Variants in SUMF1 observed in about 807,000 individuals in gnomAD.
The protein encoded by SUMF1 is sulfatase modifying factor 1.
SUMF1 carries 48 observed loss-of-function variants against 47.6 expected under a neutral mutation model. That is an observed-to-expected ratio of 1.01 (90% CI 0.80 to 1.28). The LOEUF (loss-of-function observed/expected upper bound fraction) is 1.28, where lower values mean the gene tolerates loss of function less well. Among genes scored for constraint, SUMF1 ranks in the 50% most tolerant of loss-of-function variants. The pLI is 0.00. For synonymous variants in SUMF1, 230 were observed against 192.1 expected, an observed-to-expected ratio of 1.20 and a Z score of -1.63; for missense variants, 571 against 485.4, an observed-to-expected ratio of 1.18 and a Z score of -1.66.
chr3:4,252,448 A>T (rs2125011693), intron 8 of SUMF1, among the ~76,000 whole-genome samples: 1 of 152,276 alleles, frequency 6.6e-6, no homozygotes, highest in African/African-American at 2.4e-5. Context: ...ATAAAAATAA[A>T]ATAATCTCTA....
rs777887933 is a variant in SUMF1, at chr3:4,418,114, G to C, written c.621C>G (p.Leu207=). The C allele has an allele frequency of 1.2e-6, 2 of 1,613,982 alleles. No individual in the cohort carries two copies. Among genetic ancestry groups the C allele is most frequent in the South Asian group, 2.2e-5 (2 of 91,078 alleles). The change falls in exon 5 of 9, where the codon CTC becomes CTG. Residue 207 remains leucine, a synonymous_variant. Transcript: ENST00000272902. ...CAACCGCATCATTCCAGGACACATG[G>C]AGAACTGGATGATCCGGCCTGGGGA... is the stretch of plus-strand genomic sequence containing the variant. ...TILHRPDHPV[L]HVSWNDAVAY...
chr3:4,263,499 G>C (rs529642448), intron 8 of SUMF1, among the ~76,000 whole-genome samples: 1 of 152,218 alleles, frequency 6.6e-6, no homozygotes, highest in East Asian at 1.9e-4. Context: ...GCCCCAATCT[G>C]TCTCTCTAGT....
intron 8 of SUMF1, among the ~76,000 whole-genome samples, chr3:4,116,342 C>G (rs1693424049): frequency 6.6e-6 from 1 of 152,106 alleles, no homozygotes; most frequent in East Asian, 1.9e-4. Context: ...TCCCCGGGTT[C>G]TCCTCTCTTT....
At chr3:4,368,055 C>T (rs1700038556) in intron 8 of SUMF1, among the ~76,000 whole-genome samples, 1 of 151,960 alleles carries the variant, frequency 6.6e-6, no homozygotes, top group South Asian at 2.1e-4. Context: ...AGGCAACCTA[C>T]AAAATGGGAG....
intron 8 of SUMF1, among the ~76,000 whole-genome samples, chr3:4,151,554 T>TACACACACACACAC (rs781615061): frequency 4.1e-5 from 4 of 98,254 alleles, no homozygotes; most frequent in African/African-American, 1.7e-4. Context: ...TGTGTGTGTA[T>TACACACACACACAC]ATACACACAC....
intron 8 of SUMF1, among the ~76,000 whole-genome samples, chr3:4,166,278 C>G (rs996440776): frequency 1.3e-5 from 2 of 152,098 alleles, no homozygotes; most frequent in Non-Finnish European, 2.9e-5. Flanking sequence ...AGCAGAGGAC[C>G]ATACCATGAG....
intron 3 of SUMF1, among the ~76,000 whole-genome samples, chr3:4,440,906 C>T (rs1057149836): frequency 3.2e-4 from 48 of 152,254 alleles, no homozygotes; most frequent in African/African-American, 1.0e-3. Context: ...CAAAGTTTTA[C>T]GAGTCATATT....
intron 8 of SUMF1, among the ~76,000 whole-genome samples, chr3:4,115,244 C>A (rs1263706005): frequency 6.6e-6 from 1 of 152,032 alleles, no homozygotes; most frequent in Non-Finnish European, 1.5e-5. Context: ...GGGAAGATCA[C>A]CTTCCCACTC....
chr3:4,061,467 T>A (rs958598135), intron 9 of SUMF1, among the ~76,000 whole-genome samples: 1 of 152,154 alleles, frequency 6.6e-6, no homozygotes, highest in Non-Finnish European at 1.5e-5. Flanking sequence ...TTTCTGCATG[T>A]AGTTACATTT....
At chr3:4,346,720 C>A (rs1699381063) in intron 8 of SUMF1, among the ~76,000 whole-genome samples, 2 of 150,960 alleles carry the variant, frequency 1.3e-5, no homozygotes, top group South Asian at 4.2e-4. Context: ...AAAAAACCCT[C>A]AAAAAAAATC....
At chr3:4,181,619 CAT>C (rs1444924411) in intron 8 of SUMF1, among the ~76,000 whole-genome samples, 1 of 152,028 alleles carries the variant, frequency 6.6e-6, no homozygotes, top group East Asian at 1.9e-4. Context: ...AAATGAGTTC[CAT>C]GTTTCCTTCC....
chr3:4,381,084 C>A (rs1343915783), intron 7 of SUMF1, among the ~76,000 whole-genome samples: 3 of 152,118 alleles, frequency 2.0e-5, no homozygotes, highest in African/African-American at 7.2e-5. Flanking sequence ...GAGACATTTC[C>A]CTTTCCCTCG....
intron 8 of SUMF1, among the ~76,000 whole-genome samples, chr3:4,252,359 CA>C: frequency 7.8e-6 from 1 of 128,594 alleles, no homozygotes; most frequent in Non-Finnish European, 1.7e-5. Context: ...TGCGCACACA[CA>C]CACACACACA....
At chr3:4,447,386 C>G (rs1312783649) in intron 3 of SUMF1, among the ~76,000 whole-genome samples, 1 of 152,156 alleles carries the variant, frequency 6.6e-6, no homozygotes, top group Non-Finnish European at 1.5e-5. Flanking sequence ...AGCACTCAAA[C>G]TTGCAAGATT....
chr3:4,456,701 T>C (rs567675755), intron 1 of SUMF1, among the ~76,000 whole-genome samples: 2,382 of 130,954 alleles, frequency 0.018, 167 homozygotes, highest in African/African-American at 0.063. Flanking sequence ...TGTATATATA[T>C]ATACGTATAT....
rs866664533 is a variant in SUMF1 at position 4,253,803 on chromosome 3, G to C, written c.1014+122527C>G. Among the ~76,000 whole-genome samples, 1,285 of 144,916 alleles carry C rather than the reference G, an allele frequency of 8.9e-3. 27 individuals are homozygous for C. Among genetic ancestry groups the C allele is most frequent in the African/African-American group, 0.032 (1,218 of 37,966 alleles). On this transcript the variant is annotated intron_variant and NMD_transcript_variant, in intron 8 of 12. Coordinates refer to the SUMF1 transcript ENST00000448413. Reference sequence around the variant, plus strand: ...CCTGCCTCTGTAGGCTCCACCTCTGGGGGGCAGGGCACAGACAAACAAAAA... The same window carrying C: ...CCTGCCTCTGTAGGCTCCACCTCTGCGGGGCAGGGCACAGACAAACAAAAA...
intron 9 of SUMF1, among the ~76,000 whole-genome samples, chr3:4,042,911 C>T (rs533303922): frequency 6.6e-6 from 1 of 152,216 alleles, no homozygotes; most frequent in Non-Finnish European, 1.5e-5. Context: ...CCATCACCTC[C>T]TAGACCCTCC....
In SUMF1 at chr3:4,180,683, A is replaced by AACACACACACACAC. The variant is rs59921396; in HGVS notation, c.1015-111952_1015-111939dup. On this transcript the variant is annotated intron_variant and NMD_transcript_variant, in intron 8 of 12. Transcript: ENST00000448413. ...ATTGTGCACATGTACCCTAGAACTT[A>AACACACACACACAC]ACACACACACACACACAAAATTAGC... is the stretch of plus-strand genomic sequence containing the variant. 4.7e-4 allele frequency among the ~76,000 whole-genome samples: 65 copies of AACACACACACACAC among 139,732 alleles called. 1 individual carries two copies. Among genetic ancestry groups the AACACACACACACAC allele is most frequent in the East Asian group, 2.1e-3 (10 of 4,752 alleles). The allele number at this position is 139,732 out of a possible 152,430, so 91.7% of individuals were successfully genotyped here.
intron 8 of SUMF1, among the ~76,000 whole-genome samples, chr3:4,281,871 G>C (rs1030724487): frequency 6.6e-6 from 1 of 152,080 alleles, no homozygotes; most frequent in Non-Finnish European, 1.5e-5. Flanking sequence ...ATTCTTTTGA[G>C]TTTTTAATCC....
Sources: allele counts gnomAD v4.1 joint callset (sites outside exome capture counted in the v4.1 genomes callset), GRCh38; gene constraint gnomAD v4.1.1; transcripts MANE v1.5; gene names NCBI Gene and HGNC (gene_info 2026-07-23, HGNC 2026-07-21).